NCEH1: variants seen among roughly 807,000 people sequenced by gnomAD.
The protein encoded by NCEH1 is neutral cholesterol ester hydrolase 1.
A neutral mutation model predicts 25.4 loss-of-function variants in NCEH1; 9 were observed. That is an observed-to-expected ratio of 0.35 (90% confidence interval 0.21 to 0.62). NCEH1 has a LOEUF of 0.62. Among genes scored for constraint, NCEH1 ranks in the 20% least tolerant of loss-of-function variants. The probability of loss-of-function intolerance (pLI) is 0.72; values close to 1 mark genes in which losing one functional copy is unlikely to be tolerated. For synonymous variants in NCEH1, 200 were observed against 199.8 expected (o/e 1.00, Z -0.01); for missense variants, 412 against 501.1 (o/e 0.82, Z 1.70).
In NCEH1 at chr3:172,647,986, A is replaced by C. The variant is rs766232733; in HGVS notation, c.267T>G (p.Gly89=). ...QVKVTDTDFD[G]VEVRVFEGPP... ...GGCCTTCAAACACTCTGACTTCCAC[A>C]CCATCAAAGTCTGTGTCGGTCACCT... Residue 89 remains glycine, a synonymous_variant, in exon 2 of 5, where the codon GGT becomes GGG. Transcript: ENST00000475381. 6.8e-6 allele frequency: 11 copies of C among 1,614,088 alleles called. No individual in the cohort carries two copies. In the South Asian group the frequency reaches 1.2e-4, roughly 18 times the overall value.
At chr3:172,697,733 T>C (rs1373772702) in intron 1 of NCEH1, among the ~76,000 whole-genome samples, 2 of 152,138 alleles carry the variant, frequency 1.3e-5, no homozygotes, top group Non-Finnish European at 2.9e-5. Flanking sequence ...TTGAATGTAG[T>C]TCAAAGGGCA....
chr3:172,699,778 T>C (rs1184521342), intron 1 of NCEH1, among the ~76,000 whole-genome samples: 1 of 152,034 alleles, frequency 6.6e-6, no homozygotes. Flanking sequence ...GGTGGGAAGA[T>C]TGCTTGAACC....
Position 172,633,679 on chromosome 3 carries a change from G to A in NCEH1, c.1023C>T (p.Tyr341=), listed in dbSNP as rs1716470356. ...GGACATCATGCTCACACGTCAGAAT[G>A]TAGGTCTTTGGGAGGAGCTGCAGCA... ...QAVLQLLPKT[Y]ILTCEHDVLR... The change falls in exon 5 of 5, where the codon TAC becomes TAT. Residue 341 remains tyrosine (Y), a synonymous_variant. Transcript: ENST00000475381. The A allele has an allele frequency of 1.9e-6, 3 of 1,614,090 alleles. No homozygotes were observed. Among genetic ancestry groups the A allele is most frequent in the African/African-American group, 1.3e-5 (1 of 74,944 alleles).
chr3:172,647,779 CTAGA>C, intron 2 of NCEH1, 103 bp downstream of exon 2: 1 of 1,460,046 alleles, frequency 6.8e-7, no homozygotes, highest in Admixed American at 2.1e-5. Context: ...CCAGGGGAAC[CTAGA>C]TAAATGGTCC....
Position 172,695,262 on chromosome 3 carries a change from C to T in NCEH1, c.138+15585G>A, listed in dbSNP as rs572836031. Among the ~76,000 whole-genome samples the T allele has an allele frequency of 1.4e-3, 220 of 152,310 alleles. 1 individual carries two copies. The highest frequency in any genetic ancestry group is 5.0e-3 in the African/African-American group (206 of 41,572). ...CTACCTTCACATTGAGGCAAGGTCA[C>T]CTGCCATTAGGACTAGAATTCAAGT... On this transcript the variant is annotated intron_variant, in intron 1 of 4. Coordinates refer to ENST00000475381, the MANE Select transcript of NCEH1 (RefSeq NM_020792.6).
intron 3 of NCEH1, among the ~76,000 whole-genome samples, chr3:172,637,756 G>A (rs111585570): frequency 0.016 from 2,361 of 152,290 alleles, 52 homozygotes; most frequent in African/African-American, 0.053. Context: ...AGGCACGGTC[G>A]TGGGCGCCTG....
At chr3:172,675,311 A>AATT (rs1560196964) in intron 1 of NCEH1, among the ~76,000 whole-genome samples, 324 of 77,710 alleles carry the variant, frequency 4.2e-3, no homozygotes, top group African/African-American at 1.0e-2. Flanking sequence ...TCAAATAAAT[A>AATT]AATAAATAAA....
chr3:172,710,705 G>A, intron 1 of NCEH1, 142 bp downstream of exon 1: 1 of 865,416 alleles, frequency 1.2e-6, no homozygotes, highest in South Asian at 1.7e-5. Context: ...GAAAATTCCC[G>A]ACTGGACCAC....
intron 1 of NCEH1, among the ~76,000 whole-genome samples, chr3:172,676,137 G>A (rs1009620349): frequency 6.6e-5 from 10 of 152,100 alleles, no homozygotes; most frequent in Non-Finnish European, 1.2e-4. Flanking sequence ...CTTCTCTTGA[G>A]GGGGGAAATA....
chr3:172,687,880 G>A (rs1170498723), intron 1 of NCEH1, among the ~76,000 whole-genome samples: 3 of 152,178 alleles, frequency 2.0e-5, no homozygotes, highest in South Asian at 2.1e-4. Context: ...TGATCACATC[G>A]TTTCATACAA....
In NCEH1 at chr3:172,678,167, TTCTC is replaced by T. The variant is rs553515250; in HGVS notation, c.139-30057_139-30054del. On this transcript the variant is annotated intron_variant, in intron 1 of 4. Transcript: ENST00000475381. ...CAAACTCTACCCCACTGGCAGCACA[TTCTC>T]TCTGCCAGCTGATCTGCTGGGCTGG... Among the ~76,000 whole-genome samples the T allele has an allele frequency of 8.5e-5, 13 of 152,330 alleles. No individual in the cohort carries two copies. In the South Asian group the frequency reaches 2.7e-3, roughly 32 times the overall value.
At position 172,665,158 on chromosome 3, in the gene NCEH1, T is replaced by C. The variant is rs541660740; in HGVS notation, c.139-17044A>G. Among the ~76,000 whole-genome samples, 4 of 152,310 alleles carry C rather than the reference T, an allele frequency of 2.6e-5. No homozygotes were observed. In the South Asian group the frequency reaches 6.2e-4, roughly 24 times the overall value. On this transcript the variant is annotated intron_variant, in intron 1 of 4. Transcript: ENST00000475381. The stretch of plus-strand genomic sequence containing the variant: ...GATGGGGTTTTGGTGTGGATGTCTT[T>C]TTTGTTGATGTTGATGCTATTCCTT...
chr3:172,643,506 T>C (rs184542655), intron 3 of NCEH1, among the ~76,000 whole-genome samples: 1 of 152,206 alleles, frequency 6.6e-6, no homozygotes, highest in Non-Finnish European at 1.5e-5. Context: ...CTGGACACCA[T>C]GTTGTATAGA....
chr3:172,682,572 T>G (rs1712442706), intron 1 of NCEH1, among the ~76,000 whole-genome samples: 2 of 152,170 alleles, frequency 1.3e-5, no homozygotes. Flanking sequence ...GTCCCTCAGC[T>G]TCCACGGACT....
chr3:172,661,001 CT>C (rs1717947345), intron 1 of NCEH1, among the ~76,000 whole-genome samples: 1 of 152,170 alleles, frequency 6.6e-6, no homozygotes, highest in Admixed American at 6.5e-5. Flanking sequence ...TCTATTTTGG[CT>C]TTTGCTGCTA....
chr3:172,654,359 C>T (rs774097840), intron 1 of NCEH1, among the ~76,000 whole-genome samples: 2 of 152,210 alleles, frequency 1.3e-5, no homozygotes, highest in Non-Finnish European at 2.9e-5. Context: ...GCACCTAGAA[C>T]AGTGCCTGTC....
At chr3:172,653,433 C>G (rs188252814) in intron 1 of NCEH1, among the ~76,000 whole-genome samples, 192 of 152,222 alleles carry the variant, frequency 1.3e-3, no homozygotes, top group African/African-American at 4.4e-3. Flanking sequence ...GGGCAGAGAA[C>G]TTTGTAGGGG....
In NCEH1 at chr3:172,653,762, T is replaced by TTG. The variant is rs1208411852; in HGVS notation, c.139-5649_139-5648insCA. Among the ~76,000 whole-genome samples, 71 of 72,122 alleles carry TTG rather than the reference T, an allele frequency of 9.8e-4. No homozygotes were observed. In the East Asian group the frequency reaches 0.014, roughly 14 times the overall value. 47.3% of individuals were successfully genotyped at this position (72,122 alleles called of 152,430 possible). ...TTTTTTTGTTTTTTTGTTTTTTTGT[T>TTG]TTTTTTTTTTTTTGAGACAGAGTCT... is the stretch of plus-strand genomic sequence containing the variant. On this transcript the variant is annotated intron_variant, in intron 1 of 4. Coordinates refer to ENST00000475381, the MANE Select transcript of NCEH1 (RefSeq NM_020792.6).
chr3:172,675,315 A>AATTAATTAATTAATTAATTAATT (rs1553835579), intron 1 of NCEH1, among the ~76,000 whole-genome samples: 2 of 134,544 alleles, frequency 1.5e-5, no homozygotes, highest in East Asian at 2.2e-4. Context: ...ATAAATAAAT[A>AATTAATTAATTAATTAATTAATT]AATAAATAAA....
Sources: gnomAD v4.1 joint callset for allele counts (sites outside exome capture counted in the v4.1 genomes callset) on GRCh38, gnomAD v4.1.1 for gene constraint, MANE v1.5 for transcripts, NCBI Gene and HGNC (gene_info 2026-07-23, HGNC 2026-07-21) for gene names.